The following TMEM117 variants were observed in gnomAD, a reference collection of about 807,000 sequenced individuals.
The protein encoded by TMEM117 is transmembrane protein 117.
A neutral mutation model predicts 52.4 loss-of-function variants in TMEM117; 27 were observed. The ratio of observed to expected loss-of-function variants is 0.51; its 90% confidence interval spans 0.38 to 0.71. The LOEUF (loss-of-function observed/expected upper bound fraction) is 0.71, where lower values mean the gene tolerates loss of function less well. TMEM117 is among the 30% of genes least tolerant of loss of function. The pLI is 0.00. For synonymous variants in TMEM117, 215 were observed against 206.3 expected (o/e 1.04, Z -0.36); for missense variants, 556 against 630.5 (o/e 0.88, Z 1.26).
chr12:43,989,615 A>G (rs941294009), intron 3 of TMEM117, among the ~76,000 whole-genome samples: 11 of 151,976 alleles, frequency 7.2e-5, no homozygotes, highest in African/African-American at 2.2e-4. Flanking sequence ...TTTTAATTCA[A>G]ATGTATTTAT....
intron 4 of TMEM117, among the ~76,000 whole-genome samples, chr12:44,199,609 A>G (rs1949466260): frequency 6.6e-6 from 1 of 152,172 alleles, no homozygotes; most frequent in African/African-American, 2.4e-5. Flanking sequence ...TTAGTTGCAC[A>G]AGGAACTAAA....
intron 5 of TMEM117, among the ~76,000 whole-genome samples, chr12:44,222,799 G>A (rs1045212867): frequency 6.6e-6 from 1 of 152,078 alleles, no homozygotes; most frequent in Admixed American, 6.6e-5. Flanking sequence ...TAATGTATTG[G>A]CTTAATAGTT....
intron 4 of TMEM117, among the ~76,000 whole-genome samples, chr12:44,144,622 A>G (rs1948616042): frequency 6.6e-6 from 1 of 152,188 alleles, no homozygotes; most frequent in African/African-American, 2.4e-5. Context: ...AAGCAGTTGT[A>G]GCTTAACTGC....
At chr12:44,364,223 A>G (rs1237887543) in intron 6 of TMEM117, among the ~76,000 whole-genome samples, 8 of 152,156 alleles carry the variant, frequency 5.3e-5, no homozygotes, top group East Asian at 3.9e-4. Flanking sequence ...GATTGCTTCC[A>G]TATAGTCTCT....
At chr12:44,225,412 C>T (rs762848735) in intron 5 of TMEM117, among the ~76,000 whole-genome samples, 2 of 152,078 alleles carry the variant, frequency 1.3e-5, no homozygotes, top group Non-Finnish European at 2.9e-5. Flanking sequence ...GATACAGTTT[C>T]TGGAATTAAA....
At chr12:44,238,988 A>G (rs985735244) in intron 5 of TMEM117, among the ~76,000 whole-genome samples, 1 of 152,120 alleles carries the variant, frequency 6.6e-6, no homozygotes, top group Admixed American at 6.6e-5. Context: ...ATCATGGCAC[A>G]TTGTGCATTT....
chr12:43,811,251 T>C, the TMEM117 span, among the ~76,000 whole-genome samples: 1 of 152,226 alleles, frequency 6.6e-6, no homozygotes, highest in Admixed American at 6.5e-5. Context: ...AGAGAGTGGA[T>C]GTTCCTTTTC....
intron 4 of TMEM117, among the ~76,000 whole-genome samples, chr12:44,174,858 G>A (rs929913455): frequency 1.3e-5 from 2 of 152,140 alleles, no homozygotes; most frequent in African/African-American, 4.8e-5. Context: ...CTCGAAAAAA[G>A]TGGTGATGCC....
chr12:44,245,001 A>T (rs532327312), intron 5 of TMEM117, among the ~76,000 whole-genome samples: 1 of 151,998 alleles, frequency 6.6e-6, no homozygotes, highest in Non-Finnish European at 1.5e-5. Context: ...ATTGACTATA[A>T]ATTGGTTGGC....
chr12:44,312,733 G>T (rs1467912263), intron 6 of TMEM117, among the ~76,000 whole-genome samples: 1 of 152,154 alleles, frequency 6.6e-6, no homozygotes, highest in Non-Finnish European at 1.5e-5. Flanking sequence ...CCTACCGTCA[G>T]TACATAAACA....
intron 3 of TMEM117, among the ~76,000 whole-genome samples, chr12:44,130,522 G>A (rs1948397167): frequency 6.6e-6 from 1 of 152,076 alleles, no homozygotes; most frequent in African/African-American, 2.4e-5. Context: ...TAATGTTTTT[G>A]GTGAGGGGGT....
At chr12:44,091,518 A>G (rs1330786027) in intron 3 of TMEM117, among the ~76,000 whole-genome samples, 1 of 152,240 alleles carries the variant, frequency 6.6e-6, no homozygotes, top group African/African-American at 2.4e-5. Context: ...TACAATGTCA[A>G]ACTTCAAAGA....
chr12:43,864,869 C>G (rs1044830563), intron 2 of TMEM117, among the ~76,000 whole-genome samples: 1 of 152,128 alleles, frequency 6.6e-6, no homozygotes, highest in African/African-American at 2.4e-5. Flanking sequence ...TTTGGGTCCA[C>G]ACTGCCTTTA....
chr12:43,877,806 C>T (rs1943826343), intron 2 of TMEM117, among the ~76,000 whole-genome samples: 1 of 151,670 alleles, frequency 6.6e-6, no homozygotes, highest in African/African-American at 2.4e-5. Flanking sequence ...GATCTGTTAA[C>T]TCATGGTAAT....
Position 44,152,547 on chromosome 12 carries a change from T to A in TMEM117, c.510+8923T>A, listed in dbSNP as rs866152999. On this transcript the variant is annotated intron_variant, in intron 4 of 7. Transcript: ENST00000266534. ...ATATATATTTATATCATATAAATTTTTATATATAATATTTATATCATATAA... is the reference window on the plus strand; with the variant it reads ...ATATATATTTATATCATATAAATTTATATATATAATATTTATATCATATAA... Among the ~76,000 whole-genome samples, 11 of 118,920 alleles carry A rather than the reference T, an allele frequency of 9.2e-5. No homozygotes were observed. The South Asian group carries it at 1.0e-3, about 11-fold the overall frequency. The allele number at this position is 118,920 out of a possible 152,430, so 78.0% of individuals were successfully genotyped here. A position where few individuals can be genotyped will look rare whatever the true frequency, so the allele number is the denominator to read the frequency against.
the TMEM117 span, among the ~76,000 whole-genome samples, chr12:43,815,130 T>A: frequency 3.4e-4 from 52 of 152,328 alleles, no homozygotes; most frequent in East Asian, 9.6e-4. Flanking sequence ...ACTTTCCTCA[T>A]CTGTAAACTG....
chr12:44,108,188 C>G (rs1175651266), intron 3 of TMEM117, among the ~76,000 whole-genome samples: 1 of 151,726 alleles, frequency 6.6e-6, no homozygotes, highest in Non-Finnish European at 1.5e-5. Flanking sequence ...TCACTTGTAC[C>G]AAATTTATTT....
At chr12:44,066,997 TTTGTTGTAATTTTA>T (rs1318416358) in intron 3 of TMEM117, among the ~76,000 whole-genome samples, 1 of 152,186 alleles carries the variant, frequency 6.6e-6, no homozygotes. Context: ...TTCTAAATCC[TTTGTTGTAATTTTA>T]ATAATGTTCT....
intron 5 of TMEM117, among the ~76,000 whole-genome samples, chr12:44,279,515 CTTT>C (rs769225066): frequency 1.0e-4 from 14 of 137,230 alleles, no homozygotes; most frequent in Non-Finnish European, 9.5e-5. Context: ...TTCTTTTCTT[CTTT>C]TTTTTTTTTT....
Sources: allele counts gnomAD v4.1 joint callset (sites outside exome capture counted in the v4.1 genomes callset), GRCh38; gene constraint gnomAD v4.1.1; transcripts MANE v1.5; gene names NCBI Gene and HGNC (gene_info 2026-07-23, HGNC 2026-07-21).